Variants in FLVCR2 observed in about 807,000 individuals in gnomAD.
The protein encoded by FLVCR2 is choline/ethanolamine transporter FLVCR2.
FLVCR2 carries 38 observed loss-of-function variants against 48.9 expected under a neutral mutation model. The observed-to-expected ratio is 0.78, with a 90% CI of 0.60 to 1.02. The LOEUF is 1.02. Among genes scored for constraint, FLVCR2 ranks in the 50% least tolerant of loss-of-function variants. FLVCR2 has a pLI of 0.00. For synonymous variants in FLVCR2, 255 were observed against 257.0 expected, an observed-to-expected ratio of 0.99 and a Z score of 0.07; for missense variants, 664 against 663.3, an observed-to-expected ratio of 1.00 and a Z score of -0.01.
At chr14:75,642,091 T>C in intron 9 of FLVCR2, 193 bp downstream of exon 9, 2 of 616,522 alleles carry the variant, frequency 3.2e-6, no homozygotes, top group Non-Finnish European at 5.8e-6. Context: ...TTCTTGCTAC[T>C]GCTACCCTTT....
At chr14:75,592,353 G>A (rs1298384105) in intron 1 of FLVCR2, among the ~76,000 whole-genome samples, 1 of 152,096 alleles carries the variant, frequency 6.6e-6, no homozygotes, top group Non-Finnish European at 1.5e-5. Flanking sequence ...AGGTGGCTCA[G>A]GGCAGTGGTA....
At chr14:75,614,685 C>T (rs191341761) in intron 1 of FLVCR2, among the ~76,000 whole-genome samples, 8 of 152,218 alleles carry the variant, frequency 5.3e-5, no homozygotes, top group East Asian at 3.9e-4. Context: ...TCTGTTTTCA[C>T]GCTGTGATAA....
rs778453796 is a variant in FLVCR2 at position 75,641,939 on chromosome 14, A to G, written c.1509+41A>G. On this transcript the variant is annotated intron_variant, in intron 9 of 9. Transcript: ENST00000238667. Reference sequence around the variant, plus strand: ...CTTTGTGGGGCTGAGATCGGGGTCCAAGGCTTTTGATGAGGATGTGGCAAC... The same window carrying G: ...CTTTGTGGGGCTGAGATCGGGGTCCGAGGCTTTTGATGAGGATGTGGCAAC... 9 of 1,577,742 alleles carry G rather than the reference A, an allele frequency of 5.7e-6. No homozygotes were observed. The African/African-American group carries it at 9.4e-5, about 17-fold the overall frequency.
Position 75,634,948 on chromosome 14 carries a change from C to A in FLVCR2, c.1059C>A (p.Ile353=). The change falls in exon 5 of 10, where the codon ATC becomes ATA. Residue 353 remains isoleucine, a synonymous_variant. Coordinates refer to ENST00000238667, the MANE Select transcript of FLVCR2 (RefSeq NM_017791.3). ...EVNAGRIGLT[I]VIAGMLGAVI... is the part of the protein sequence containing the mutation. ...ATGCTGGAAGAATTGGCCTGACGAT[C>A]GTCATTGCAGGAATGCTTGGGGCTG... The A allele has an allele frequency of 6.2e-6, 10 of 1,613,976 alleles. No individual in the cohort carries two copies. Among genetic ancestry groups the A allele is most frequent in the Middle Eastern group, 3.3e-4 (2 of 6,062 alleles).
chr14:75,609,315 G>A (rs558819541), intron 1 of FLVCR2, among the ~76,000 whole-genome samples: 17 of 152,262 alleles, frequency 1.1e-4, no homozygotes, highest in African/African-American at 4.1e-4. Context: ...GCCCAAGTAG[G>A]AGGGCGGGTG....
At chr14:75,588,352 C>G (rs534566965) in intron 1 of FLVCR2, among the ~76,000 whole-genome samples, 6 of 152,178 alleles carry the variant, frequency 3.9e-5, no homozygotes, top group African/African-American at 1.4e-4. Flanking sequence ...ATGACAAACC[C>G]ACCCTCATTT....
chr14:75,608,718 T>G (rs1377139241), intron 1 of FLVCR2, among the ~76,000 whole-genome samples: 1 of 152,204 alleles, frequency 6.6e-6, no homozygotes, highest in Non-Finnish European at 1.5e-5. Context: ...TGTTGCAGTT[T>G]CCGTTCGACA....
chr14:75,589,229 C>T (rs1462926944), intron 1 of FLVCR2, among the ~76,000 whole-genome samples: 11 of 152,072 alleles, frequency 7.2e-5, no homozygotes, highest in African/African-American at 2.7e-4. Flanking sequence ...AAAACATCCC[C>T]CCAAAACTAA....
intron 1 of FLVCR2, among the ~76,000 whole-genome samples, chr14:75,600,876 CA>C (rs35898436): frequency 0.095 from 13,340 of 140,522 alleles, 1,281 homozygotes; most frequent in African/African-American, 0.24. Context: ...AACTCAACCG[CA>C]AAAAAAAAAA....
intron 1 of FLVCR2, among the ~76,000 whole-genome samples, chr14:75,613,821 G>GA (rs1418776885): frequency 6.6e-6 from 1 of 152,164 alleles, no homozygotes; most frequent in East Asian, 1.9e-4. Context: ...AAAGTGCTGG[G>GA]ATTATAGGCA....
chr14:75,639,480 C>T lies in FLVCR2; in HGVS notation c.1235+18C>T, dbSNP rs750136409. The T allele has an allele frequency of 1.3e-6, 2 of 1,521,914 alleles. No homozygotes were observed. The highest frequency in any genetic ancestry group is 2.2e-5 in the South Asian group (2 of 89,076). The allele number at this position is 1,521,914 out of a possible 1,614,324, so 94.3% of individuals were successfully genotyped here. Reference sequence around the variant, plus strand: ...ACAATGGGGTAAGTTTCACCTCTGGCTGATTTATTAGAAAATACCATGCCA... The same window carrying T: ...ACAATGGGGTAAGTTTCACCTCTGGTTGATTTATTAGAAAATACCATGCCA... On this transcript the variant is annotated intron_variant, in intron 6 of 9. Transcript: ENST00000238667.
intron 1 of FLVCR2, among the ~76,000 whole-genome samples, chr14:75,582,352 G>T (rs541271307): frequency 1.3e-5 from 2 of 152,184 alleles, no homozygotes; most frequent in Admixed American, 6.5e-5. Flanking sequence ...TAGTCCCTTC[G>T]CAAGAGTGAG....
At chr14:75,589,601 C>T (rs1888834369) in intron 1 of FLVCR2, among the ~76,000 whole-genome samples, 2 of 152,172 alleles carry the variant, frequency 1.3e-5, no homozygotes, top group Non-Finnish European at 2.9e-5. Context: ...GATAGCCACA[C>T]TTCCATGGCT....
rs1421619095 is a variant in FLVCR2, at chr14:75,579,049, G to C, written c.77G>C (p.Ser26Thr). The change falls in exon 1 of 10, where the codon AGC (serine) becomes ACC (threonine). Residue 26 changes from serine to threonine, a missense_variant. Ser to Thr is a moderately conservative substitution (Grantham distance 58, BLOSUM62 1). Coordinates refer to ENST00000238667, the MANE Select transcript of FLVCR2 (RefSeq NM_017791.3). The part of the protein sequence containing the change: ...VPESALQADP[S>T]VSVHPSVSVH... The stretch of plus-strand genomic sequence containing the variant: ...GAGTCCGCACTCCAAGCGGACCCCA[G>C]CGTCTCGGTCCATCCCAGCGTCTCG... 6.2e-7 allele frequency: 1 copy of C among 1,601,246 alleles called. No homozygotes were observed. The highest frequency in any genetic ancestry group is 8.5e-7 in the Non-Finnish European group (1 of 1,171,508).
At chr14:75,621,539 A>G (rs1201696982) in intron 1 of FLVCR2, among the ~76,000 whole-genome samples, 2 of 152,160 alleles carry the variant, frequency 1.3e-5, no homozygotes, top group Admixed American at 1.3e-4. Flanking sequence ...ACTTCACACT[A>G]CAGATGCTTT....
At chr14:75,603,873 CACA>C (rs2140020071) in intron 1 of FLVCR2, among the ~76,000 whole-genome samples, 1 of 152,298 alleles carries the variant, frequency 6.6e-6, no homozygotes, top group African/African-American at 2.4e-5. Flanking sequence ...TCATGAAGCC[CACA>C]AAGGGGTCAA....
At chr14:75,579,722 G>A in intron 1 of FLVCR2, 81 bp downstream of exon 1, 1 of 1,478,468 alleles carries the variant, frequency 6.8e-7, no homozygotes, top group Non-Finnish European at 9.4e-7. Flanking sequence ...GCTATAATTT[G>A]CTGATTGTCC....
intron 1 of FLVCR2, among the ~76,000 whole-genome samples, chr14:75,587,869 C>T (rs909935049): frequency 1.3e-5 from 2 of 152,126 alleles, no homozygotes; most frequent in African/African-American, 4.8e-5. Flanking sequence ...GAGGGGACTT[C>T]GCCAGGACCT....
chr14:75,614,031 A>G (rs917745004), intron 1 of FLVCR2, among the ~76,000 whole-genome samples: 1 of 152,234 alleles, frequency 6.6e-6, no homozygotes. Flanking sequence ...GTATGTAGAT[A>G]TACACATTTA....
Sources: gnomAD v4.1 joint callset for allele counts (sites outside exome capture counted in the v4.1 genomes callset) on GRCh38, gnomAD v4.1.1 for gene constraint, MANE v1.5 for transcripts, NCBI Gene and HGNC (gene_info 2026-07-23, HGNC 2026-07-21) for gene names.